The following DENND10 variants were observed in gnomAD, a reference collection of about 807,000 sequenced individuals.
DENND10 encodes the protein DENN domain containing 10, also known as DENN domain-containing protein 10.
DENND10 carries 24 observed loss-of-function variants against 43.6 expected under a neutral mutation model. The observed-to-expected ratio is 0.55, with a 90% CI of 0.40 to 0.77. The LOEUF is 0.77. Ranked by LOEUF, DENND10 falls within the 30% of genes least tolerant of loss-of-function variation. The probability of loss-of-function intolerance (pLI) is 0.00; values close to 1 mark genes in which losing one functional copy is unlikely to be tolerated. For missense variants in DENND10, 303 were observed against 429.9 expected (o/e 0.70, Z 2.61); for synonymous variants, 125 against 157.6 (o/e 0.79, Z 1.55).
In DENND10 at chr10:119,108,135, G is replaced by C; in HGVS notation, c.223G>C (p.Glu75Gln). The change falls in exon 2 of 9, where the codon GAA becomes CAA. Residue 75 changes from glutamate (E) to glutamine (Q), a missense_variant. Physicochemically the swap from Glu to Gln is conservative, Grantham distance 29. Coordinates refer to ENST00000361432, the MANE Select transcript of DENND10 (RefSeq NM_207009.4). ...AACATGGTTTTATATCACAACAATT[G>C]AAGTTCCAGATTCTTCCATTTTGAA... ...RRTWFYITTI[E>Q]VPDSSILKKV... The C allele has an allele frequency of 6.2e-7, 1 of 1,613,422 alleles. No homozygotes were observed.
Position 119,137,600 on chromosome 10 carries a change from T to G in DENND10, c.*953T>G, listed in dbSNP as rs1846416806. 6.1e-6 allele frequency: 1 copy of G among 165,250 alleles called. No homozygotes were observed. The highest frequency in any genetic ancestry group is 2.1e-4 in the South Asian group (1 of 4,752). 10.2% of individuals were successfully genotyped at this position (165,250 alleles called of 1,614,324 possible). A position where few individuals can be genotyped will look rare whatever the true frequency, so the allele number is the denominator to read the frequency against. ...TGGAATTGCCAAATAAGCATGGAGATCTAAATGATGTACTTGTTAGTGTAT... is the reference window on the plus strand; with the variant it reads ...TGGAATTGCCAAATAAGCATGGAGAGCTAAATGATGTACTTGTTAGTGTAT... On this transcript the variant is annotated 3_prime_UTR_variant, in exon 9 of 9. Transcript: ENST00000361432.
At chr10:119,122,796 C>A (rs1200925248) in intron 5 of DENND10, among the ~76,000 whole-genome samples, 2 of 152,134 alleles carry the variant, frequency 1.3e-5, no homozygotes, top group African/African-American at 4.8e-5. Flanking sequence ...CAGAAAATTT[C>A]TTGCTTGCAG....
chr10:119,132,794 T>G lies in DENND10; in HGVS notation c.897+185T>G, dbSNP rs192260126. ...GCAGGTGCAGGCTGGCCTGATCTAG[T>G]TAGTTACTGGGCTCGAGGGCAGGTA... On this transcript the variant is annotated intron_variant, in intron 8 of 8. Coordinates refer to ENST00000361432, the MANE Select transcript of DENND10 (RefSeq NM_207009.4). This position sits in a 1 kb window ranked among gnomAD's most constrained non-coding sequence, Gnocchi z 4.2. 3.9e-3 allele frequency: 2,352 copies of G among 604,472 alleles called. 46 individuals carry two copies. The highest frequency in any genetic ancestry group is 0.039 in the African/African-American group (2,094 of 54,082). The allele number at this position is 604,472 out of a possible 1,614,324, so 37.4% of individuals were successfully genotyped here.
chr10:119,134,408 T>G (rs1168319333), intron 8 of DENND10: 3 of 146,088 alleles, frequency 2.1e-5, no homozygotes, highest in Non-Finnish European at 4.5e-5. Flanking sequence ...GGGAGTGCAG[T>G]GGCGTGATCT....
intron 2 of DENND10, 63 bp from the exon 3 acceptor site, chr10:119,111,786 G>A (rs190708298): frequency 8.0e-7 from 1 of 1,247,772 alleles, no homozygotes; most frequent in Admixed American, 1.7e-5. Context: ...TTAGAATATA[G>A]TAATAAAAAT....
Position 119,132,907 on chromosome 10 carries a change from G to A in DENND10, c.897+298G>A. 1 of 364,716 alleles carries A rather than the reference G, an allele frequency of 2.7e-6. No individual in the cohort carries two copies. The allele number at this position is 364,716 out of a possible 1,614,324, so 22.6% of individuals were successfully genotyped here. A position where few individuals can be genotyped will look rare whatever the true frequency, so the allele number is the denominator to read the frequency against. ...GGAAGGCTTTTCTGGGCCAGCCAGT[G>A]CATTCTTTCTTCCTAGGAGAATTTC... is the stretch of plus-strand genomic sequence containing the variant. On this transcript the variant is annotated intron_variant, in intron 8 of 8. Transcript: ENST00000361432. The surrounding 1 kb of genome is among the most constrained non-coding windows in gnomAD (Gnocchi z 4.2).
intron 5 of DENND10, 41 bp from the exon 6 acceptor site, chr10:119,123,428 G>T (rs1845670644): frequency 6.9e-7 from 1 of 1,455,376 alleles, no homozygotes; most frequent in Admixed American, 1.7e-5. Flanking sequence ...TCTTTAAGGT[G>T]TGGACCAGCA....
rs183501737 is a variant in DENND10 at position 119,130,309 on chromosome 10, C to T, written c.802+687C>T. On this transcript the variant is annotated intron_variant, in intron 7 of 8. Coordinates refer to ENST00000361432, the MANE Select transcript of DENND10 (RefSeq NM_207009.4). ...CCGAGTAGCTGGGATTACAGGCACC[C>T]GCCACCGCACCCAGCTAATTTTGTA... Among the ~76,000 whole-genome samples, 13 of 152,172 alleles carry T rather than the reference C, an allele frequency of 8.5e-5. No individual in the cohort carries two copies. The East Asian group carries it at 2.1e-3, about 25-fold the overall frequency.
At chr10:119,113,198 C>G (rs1357995906) in intron 3 of DENND10, among the ~76,000 whole-genome samples, 1 of 141,658 alleles carries the variant, frequency 7.1e-6, no homozygotes, top group African/African-American at 2.6e-5. Flanking sequence ...TGGTTGTTGT[C>G]TTTTTTTTAG....
chr10:119,105,421 G>A (rs1844643735), intron 1 of DENND10: 1 of 453,892 alleles, frequency 2.2e-6, no homozygotes, highest in Non-Finnish European at 3.3e-6. Context: ...CGAGTAGCTG[G>A]GACCTCAGGC....
In DENND10 at chr10:119,137,445, G is replaced by A. The variant is rs1290199879; in HGVS notation, c.*798G>A. ...ACTGAAACAGTGACCTTATATTATT[G>A]CTAAGGGAATATGAGATTAACTTCC... On this transcript the variant is annotated 3_prime_UTR_variant, in exon 9 of 9. Transcript: ENST00000361432. 1.8e-5 allele frequency: 3 copies of A among 166,190 alleles called. No homozygotes were observed. Among genetic ancestry groups the A allele is most frequent in the Non-Finnish European group, 4.4e-5 (3 of 68,006 alleles). The allele number at this position is 166,190 out of a possible 1,614,324, so 10.3% of individuals were successfully genotyped here.
At position 119,117,738 on chromosome 10, in the gene DENND10, C is replaced by T. The variant is rs778047011; in HGVS notation, c.481+71C>T. On this transcript the variant is annotated intron_variant, in intron 4 of 8. Transcript: ENST00000361432. The stretch of plus-strand genomic sequence containing the variant: ...ATCCCAACACTTTGGGAGGCCAAGG[C>T]GGGTGGATCACGAGGTCAGGAGATC... 6.3e-5 allele frequency: 91 copies of T among 1,451,268 alleles called. 1 individual carries two copies. The highest frequency in any genetic ancestry group is 2.5e-4 in the Middle Eastern group (1 of 3,984). The allele number at this position is 1,451,268 out of a possible 1,614,324, so 89.9% of individuals were successfully genotyped here.
chr10:119,109,374 T>C (rs1330544901), intron 2 of DENND10, among the ~76,000 whole-genome samples: 1 of 151,936 alleles, frequency 6.6e-6, no homozygotes, highest in African/African-American at 2.4e-5. Context: ...AACCAGCAGG[T>C]TTTTTCAAAG....
At chr10:119,125,496 G>GC (rs1564795181) in intron 6 of DENND10, among the ~76,000 whole-genome samples, 18 of 116,188 alleles carry the variant, frequency 1.5e-4, no homozygotes, top group East Asian at 5.4e-4. Flanking sequence ...TCCACTTCTA[G>GC]TTTTCTTTTT....
At chr10:119,108,863 C>T (rs1355890330) in intron 2 of DENND10, among the ~76,000 whole-genome samples, 1 of 151,638 alleles carries the variant, frequency 6.6e-6, no homozygotes, top group Non-Finnish European at 1.5e-5. Context: ...CCATGTTTGC[C>T]AGGCTGGTCG....
At chr10:119,115,750 A>T (rs1029209824) in intron 3 of DENND10, among the ~76,000 whole-genome samples, 1 of 147,702 alleles carries the variant, frequency 6.8e-6, no homozygotes, top group African/African-American at 2.5e-5. Flanking sequence ...TGATAAATAT[A>T]ATTTTCAAGT....
chr10:119,126,481 T>C (rs528599513), intron 6 of DENND10, among the ~76,000 whole-genome samples: 2 of 102,556 alleles, frequency 2.0e-5, no homozygotes, highest in Admixed American at 1.1e-4. Context: ...CCTGTCTTTT[T>C]TGAGACAGAG....
At position 119,136,815 on chromosome 10, in the gene DENND10, C is replaced by G. The variant is rs1184529357; in HGVS notation, c.*168C>G. ...TGAAAAACAATGAAACACATGAACACACTTCCGATTTTCTCCTCGCTGATT... is the reference window on the plus strand; with the variant it reads ...TGAAAAACAATGAAACACATGAACAGACTTCCGATTTTCTCCTCGCTGATT... On this transcript the variant is annotated 3_prime_UTR_variant, in exon 9 of 9. Transcript: ENST00000361432. The G allele has an allele frequency of 1.7e-5, 8 of 475,266 alleles. No homozygotes were observed. The East Asian group carries it at 3.1e-4, about 18-fold the overall frequency. 29.4% of individuals were successfully genotyped at this position (475,266 alleles called of 1,614,324 possible).
intron 8 of DENND10, chr10:119,133,955 G>A (rs1802282095): frequency 6.6e-6 from 1 of 152,226 alleles, no homozygotes; most frequent in African/African-American, 2.4e-5. Context: ...ACCTTGGGGA[G>A]GGCAAGTGAA....
Sources: allele counts gnomAD v4.1 joint callset (sites outside exome capture counted in the v4.1 genomes callset), GRCh38; gene constraint gnomAD v4.1.1; non-coding constraint Gnocchi (gnomAD v3.1); transcripts MANE v1.5; gene names NCBI Gene and HGNC (gene_info 2026-07-23, HGNC 2026-07-21).